The following ITSN1 variants were observed in gnomAD, a reference collection of about 807,000 sequenced individuals.
ITSN1 encodes the protein intersectin-1.
ITSN1 carries 58 observed loss-of-function variants against 239.8 expected under a neutral mutation model. The observed-to-expected ratio is 0.24, with a 90% CI of 0.20 to 0.30. ITSN1 has a LOEUF of 0.30. ITSN1 is among the 10% of genes least tolerant of loss of function. The probability of loss-of-function intolerance (pLI) is 1.00; values close to 1 mark genes in which losing one functional copy is unlikely to be tolerated. For synonymous variants in ITSN1, 780 were observed against 770.8 expected (o/e 1.01, Z -0.20); for missense variants, 1,558 against 2,103.3 (o/e 0.74, Z 5.07).
chr21:33,769,726 G>A (rs1378629813), intron 11 of ITSN1, among the ~76,000 whole-genome samples: 1 of 148,544 alleles, frequency 6.7e-6, no homozygotes, highest in Non-Finnish European at 1.5e-5. Flanking sequence ...CGGTTGTTTC[G>A]CTCTTGTTGC....
intron 9 of ITSN1, among the ~76,000 whole-genome samples, chr21:33,764,734 C>G (rs1416223405): frequency 1.3e-5 from 2 of 152,184 alleles, no homozygotes; most frequent in East Asian, 3.8e-4. Context: ...TTGGCAAAAC[C>G]AGTTTCCCAT....
chr21:33,872,587 A>G (rs899473225), intron 33 of ITSN1, among the ~76,000 whole-genome samples: 3 of 152,116 alleles, frequency 2.0e-5, no homozygotes, highest in African/African-American at 7.2e-5. Flanking sequence ...TCTGGAGTGC[A>G]GTGGCACGAT....
intron 1 of ITSN1, among the ~76,000 whole-genome samples, chr21:33,698,049 C>T (rs1030432165): frequency 2.0e-5 from 3 of 152,092 alleles, no homozygotes; most frequent in African/African-American, 4.8e-5. Context: ...CCTTATTTTT[C>T]ACCTTTATGT....
chr21:33,796,436 AAATAAATGT>A (rs2071567345), intron 17 of ITSN1, among the ~76,000 whole-genome samples: 1 of 152,386 alleles, frequency 6.6e-6, no homozygotes, highest in Admixed American at 6.5e-5. Context: ...TACAGAGTAG[AAATAAATGT>A]AATTTTTTGA....
chr21:33,791,113 A>G (rs1485627315), intron 16 of ITSN1, among the ~76,000 whole-genome samples: 2 of 152,214 alleles, frequency 1.3e-5, no homozygotes, highest in African/African-American at 2.4e-5. Flanking sequence ...TAAAAAGCTT[A>G]TCAACTTAGA....
chr21:33,652,277 AT>A (rs2088611519), intron 1 of ITSN1, among the ~76,000 whole-genome samples: 1 of 152,064 alleles, frequency 6.6e-6, no homozygotes, highest in Non-Finnish European at 1.5e-5. Context: ...CCTTATAGTT[AT>A]TTAGGAGAAT....
At position 33,836,443 on chromosome 21, in the gene ITSN1, T is replaced by A. The variant is rs777478671; in HGVS notation, c.3472T>A (p.Cys1158Ser). The A allele has an allele frequency of 3.1e-6, 5 of 1,604,196 alleles. No individual in the cohort carries two copies. In the East Asian group the frequency reaches 1.1e-4, roughly 36 times the overall value. The change falls in exon 29 of 40, where the codon TGC (cysteine) becomes AGC (serine). Residue 1158 changes from cysteine (C) to serine (S), a missense_variant and splice_region_variant. Coordinates refer to ENST00000381318, the MANE Select transcript of ITSN1 (RefSeq NM_003024.3). ...PPKSTALAAV[C>S]QVIGMYDYTA... ...TCACCCAGCCCTGTCTCCTGCAGTG[T>A]GCCAGGTGATTGGGATGTACGACTA...
At chr21:33,812,107 C>G (rs1313504922) in intron 21 of ITSN1, among the ~76,000 whole-genome samples, 1 of 152,046 alleles carries the variant, frequency 6.6e-6, no homozygotes, top group Non-Finnish European at 1.5e-5. Flanking sequence ...ACATAAAAGG[C>G]TGAAGGCGCT....
intron 1 of ITSN1, among the ~76,000 whole-genome samples, chr21:33,689,975 A>C (rs941477350): frequency 6.6e-6 from 1 of 150,750 alleles, no homozygotes; most frequent in Admixed American, 6.6e-5. Flanking sequence ...CTCAAAAAAA[A>C]AAAAAAATAA....
At chr21:33,786,708 G>A (rs911434985) in intron 16 of ITSN1, among the ~76,000 whole-genome samples, 5 of 152,154 alleles carry the variant, frequency 3.3e-5, no homozygotes, top group Non-Finnish European at 7.4e-5. Flanking sequence ...AACACCCAAC[G>A]GAGCTAGATT....
At position 33,755,396 on chromosome 21, in the gene ITSN1, A is replaced by G. The variant is rs1456650663; in HGVS notation, c.723A>G (p.Thr241=). ...ACAAAACTATGAGTGGACACTTAAC[A>G]GGTATTTACAAATAAAAATTAGTGA... ...SHDKTMSGHL[T]GPQARTILMQ... The change falls in exon 8 of 40, where the codon ACA becomes ACG. Residue 241 remains threonine, a splice_region_variant and synonymous_variant. Transcript: ENST00000381318. 6.7e-7 allele frequency: 1 copy of G among 1,484,086 alleles called. No homozygotes were observed. Among genetic ancestry groups the G allele is most frequent in the Non-Finnish European group, 9.3e-7 (1 of 1,074,266 alleles). The allele number at this position is 1,484,086 out of a possible 1,614,324, so 91.9% of individuals were successfully genotyped here. A position where few individuals can be genotyped will look rare whatever the true frequency, so the allele number is the denominator to read the frequency against.
At chr21:33,751,634 A>G (rs1422496816) in intron 6 of ITSN1, among the ~76,000 whole-genome samples, 176 bp from the exon 7 acceptor site, 2 of 152,310 alleles carry the variant, frequency 1.3e-5, no homozygotes, top group South Asian at 4.1e-4. Context: ...AAATCTAGAA[A>G]CCTTTTTGGC....
intron 39 of ITSN1, among the ~76,000 whole-genome samples, chr21:33,887,490 C>T (rs781223851): frequency 4.6e-5 from 7 of 152,072 alleles, no homozygotes; most frequent in African/African-American, 1.2e-4. Flanking sequence ...GTTAGGTACT[C>T]GTTGTGGTAG....
At chr21:33,833,075 G>A (rs746818974) in intron 27 of ITSN1, among the ~76,000 whole-genome samples, 1 of 151,932 alleles carries the variant, frequency 6.6e-6, no homozygotes, top group African/African-American at 2.4e-5. Context: ...TCTTGGTGGT[G>A]TACAGAAGGG....
intron 39 of ITSN1, among the ~76,000 whole-genome samples, chr21:33,887,072 CT>C (rs1234105146): frequency 6.6e-6 from 1 of 152,108 alleles, no homozygotes; most frequent in African/African-American, 2.4e-5. Flanking sequence ...AATCCCAACA[CT>C]TTGGGAGGCT....
Position 33,888,550 on chromosome 21 carries a change from A to G in ITSN1, c.*250A>G. On this transcript the variant is annotated 3_prime_UTR_variant, in exon 40 of 40. Coordinates refer to ENST00000381318, the MANE Select transcript of ITSN1 (RefSeq NM_003024.3). The stretch of plus-strand genomic sequence containing the variant: ...CACTACAGGTCTCATTATGGCTTCT[A>G]GGGTCGCTGAAATCCCATAGCCCTC... The G allele has an allele frequency of 2.6e-6, 1 of 390,524 alleles. No individual in the cohort carries two copies. The highest frequency in any genetic ancestry group is 4.6e-6 in the Non-Finnish European group (1 of 217,144). The allele number at this position is 390,524 out of a possible 1,614,324, so 24.2% of individuals were successfully genotyped here.
At position 33,837,004 on chromosome 21, in the gene ITSN1, TC is replaced by T. The variant is rs747656792; in HGVS notation, c.3661+379del. On this transcript the variant is annotated intron_variant, in intron 29 of 39. Transcript: ENST00000381318. Reference sequence around the variant, plus strand: ...TTTTCTAGGAATCATATGTTGTCCATCCCCCCCTCAGGCTTGAAAGTCCTCA... The same window carrying T: ...TTTTCTAGGAATCATATGTTGTCCATCCCCCCTCAGGCTTGAAAGTCCTCA... The T allele has an allele frequency of 2.7e-5, 44 of 1,611,302 alleles. 1 individual carries two copies. The highest frequency in any genetic ancestry group is 2.5e-4 in the South Asian group (23 of 90,798).
chr21:33,697,219 G>A (rs934875350), intron 1 of ITSN1, among the ~76,000 whole-genome samples: 14 of 144,022 alleles, frequency 9.7e-5, no homozygotes, highest in Non-Finnish European at 2.1e-4. Flanking sequence ...AGGCATACAC[G>A]ACCACACCTG....
At chr21:33,680,489 AC>A (rs978388306) in intron 1 of ITSN1, among the ~76,000 whole-genome samples, 2 of 149,854 alleles carry the variant, frequency 1.3e-5, no homozygotes, top group Non-Finnish European at 3.0e-5. Context: ...GCACCACCAC[AC>A]CCGGCTAATT....
Sources: allele counts gnomAD v4.1 joint callset (sites outside exome capture counted in the v4.1 genomes callset), GRCh38; gene constraint gnomAD v4.1.1; transcripts MANE v1.5; gene names NCBI Gene and HGNC (gene_info 2026-07-23, HGNC 2026-07-21).